The following ACP7 variants were observed in gnomAD, a reference collection of about 807,000 sequenced individuals.
ACP7 encodes acid phosphatase 7, tartrate resistant (putative), also known as acid phosphatase type 7.
In ACP7, 58 loss-of-function variants were observed where a neutral mutation model predicts 60.6. The ratio of observed to expected loss-of-function variants is 0.96; its 90% CI spans 0.77 to 1.19. The LOEUF is 1.19. ACP7 is among the 50% of genes most tolerant of loss of function. The pLI is 0.00. For synonymous variants in ACP7, 237 were observed against 232.6 expected, an observed-to-expected ratio of 1.02 and a Z score of -0.17; for missense variants, 574 against 596.2, an observed-to-expected ratio of 0.96 and a Z score of 0.39.
intron 2 of ACP7, among the ~76,000 whole-genome samples, chr19:39,094,510 A>T (rs2073244676): frequency 6.6e-6 from 1 of 151,748 alleles, no homozygotes; most frequent in African/African-American, 2.4e-5. Context: ...CTCAAAAAAA[A>T]AAAAAAAGAT....
intron 11 of ACP7, among the ~76,000 whole-genome samples, chr19:39,105,807 C>G (rs961807471): frequency 1.3e-5 from 2 of 152,162 alleles, no homozygotes; most frequent in African/African-American, 4.8e-5. Context: ...CCACTGTGCT[C>G]GGCTGCACGA....
rs1388651518 is a variant in ACP7 at position 39,085,234 on chromosome 19, T to C, written c.-36T>C. 2 of 1,598,990 alleles carry C rather than the reference T, an allele frequency of 1.3e-6. No homozygotes were observed. The highest frequency in any genetic ancestry group is 1.7e-6 in the Non-Finnish European group (2 of 1,172,186). On this transcript the variant is annotated 5_prime_UTR_variant, in exon 2 of 13. Transcript: ENST00000331256. ...GGGGAGCTGATCTCCTCAGTCCCCC[T>C]GCTTTTCCCCGGTCTGCCATCACCA...
intron 12 of ACP7, among the ~76,000 whole-genome samples, chr19:39,109,685 T>TAAAAAAA (rs34682645): frequency 1.1e-4 from 7 of 65,506 alleles, no homozygotes; most frequent in African/African-American, 5.1e-4. Context: ...AGACTCTGTC[T>TAAAAAAA]AAAAAAAAAA....
rs181056330 is a variant in ACP7 at position 39,110,158 on chromosome 19, G to A, written c.*40G>A. On this transcript the variant is annotated 3_prime_UTR_variant, in exon 13 of 13. Coordinates refer to ENST00000331256, the MANE Select transcript of ACP7 (RefSeq NM_001004318.3). ...CTCCTCCAGAAGCCTAGGTTTTGCC[G>A]CCTTGGCTGCTGTGACCAGAAACTG... 262 of 1,581,642 alleles carry A rather than the reference G, an allele frequency of 1.7e-4. 2 individuals are homozygous for A. The African/African-American group carries it at 2.3e-3, about 14-fold the overall frequency.
intron 2 of ACP7, among the ~76,000 whole-genome samples, chr19:39,093,172 C>CTTTCTT: frequency 1.2e-5 from 1 of 80,868 alleles, no homozygotes; most frequent in African/African-American, 5.1e-5. Context: ...CTTTCTTTCT[C>CTTTCTT]TCCTTCCTTC....
chr19:39,103,210 C>G (rs899132075), intron 11 of ACP7, among the ~76,000 whole-genome samples: 1 of 152,126 alleles, frequency 6.6e-6, no homozygotes, highest in Non-Finnish European at 1.5e-5. Context: ...GATCCTCTTG[C>G]AAGGCTGACT....
intron 11 of ACP7, among the ~76,000 whole-genome samples, chr19:39,103,556 G>C (rs8101954): frequency 2.0e-5 from 3 of 150,332 alleles, no homozygotes; most frequent in Non-Finnish European, 4.4e-5. Context: ...GCCACATGCA[G>C]TGGCTCACGC....
chr19:39,109,118 G>A (rs1423568147), intron 12 of ACP7, among the ~76,000 whole-genome samples: 3 of 152,084 alleles, frequency 2.0e-5, no homozygotes, highest in Non-Finnish European at 4.4e-5. Flanking sequence ...CACCGCATGC[G>A]GCCCCAGTAG....
At chr19:39,099,406 G>A (rs766720055) in intron 4 of ACP7, among the ~76,000 whole-genome samples, 1 of 152,192 alleles carries the variant, frequency 6.6e-6, no homozygotes, top group Non-Finnish European at 1.5e-5. Flanking sequence ...ATTTTGATTA[G>A]AGAGAAAGCT....
chr19:39,103,440 T>A (rs1184432570), intron 11 of ACP7, among the ~76,000 whole-genome samples: 1 of 99,370 alleles, frequency 1.0e-5, no homozygotes, highest in Non-Finnish European at 2.0e-5. Context: ...GATCATCATG[T>A]GTTTTTTTTT....
At chr19:39,090,215 C>T (rs149368778) in intron 2 of ACP7, among the ~76,000 whole-genome samples, 7 of 152,062 alleles carry the variant, frequency 4.6e-5, no homozygotes, top group African/African-American at 1.7e-4. Context: ...GTTGCCCAAG[C>T]TGGAGTGCAG....
chr19:39,093,278 T>C lies in ACP7; in HGVS notation c.122-5180T>C, dbSNP rs573818213. Among the ~76,000 whole-genome samples, 7 of 150,014 alleles carry C rather than the reference T, an allele frequency of 4.7e-5. No homozygotes were observed. The East Asian group carries it at 1.4e-3, about 29-fold the overall frequency. On this transcript the variant is annotated intron_variant, in intron 2 of 12. Transcript: ENST00000331256. Reference sequence around the variant, plus strand: ...TCTCTTTCTTTTTTTCGAGACGGGGTCTTGCTCTGTCACCCAGGCTGGAGT... The same window carrying C: ...TCTCTTTCTTTTTTTCGAGACGGGGCCTTGCTCTGTCACCCAGGCTGGAGT...
At position 39,100,802 on chromosome 19, in the gene ACP7, T is replaced by A; in HGVS notation, c.756T>A (p.Tyr252Ter). 1 of 1,613,998 alleles carries A rather than the reference T, an allele frequency of 6.2e-7. No homozygotes were observed. The highest frequency in any genetic ancestry group is 8.5e-7 in the Non-Finnish European group (1 of 1,179,990). The change falls in exon 7 of 13, where the codon TAT (tyrosine) becomes TAA (stop). Residue 252 changes from tyrosine to a stop codon, truncating the protein, a stop_gained. Transcript: ENST00000331256. LOFTEE classifies it high-confidence loss of function. ...CCGAGGTCTATTTCTTTCTCCATTA[T>A]GGCCGCCACTTGGTACAGAGGCAGT... ...FSTEVYFFLH[Y>*]GRHLVQRQFR...
intron 2 of ACP7, among the ~76,000 whole-genome samples, 183 bp from the exon 3 acceptor site, chr19:39,098,275 A>AAAAAAAG (rs2073292655): frequency 7.9e-6 from 1 of 126,634 alleles, no homozygotes; most frequent in Non-Finnish European, 1.7e-5. Context: ...AAAAAAAAAA[A>AAAAAAAG]AAAAGAAAAG....
Position 39,110,470 on chromosome 19 carries a change from C to T in ACP7, c.*352C>T, listed in dbSNP as rs532211160. 2.6e-4 allele frequency: 50 copies of T among 194,502 alleles called. No homozygotes were observed. The highest frequency in any genetic ancestry group is 1.1e-3 in the African/African-American group (48 of 42,946). 12.0% of individuals were successfully genotyped at this position (194,502 alleles called of 1,614,324 possible). On this transcript the variant is annotated 3_prime_UTR_variant, in exon 13 of 13. Coordinates refer to ENST00000331256, the MANE Select transcript of ACP7 (RefSeq NM_001004318.3). ...TGGCTCCATGGATTCTGCACATCTGCGGGGGATGCCGCTGGGCTTCCTCCT... is the reference window on the plus strand; with the variant it reads ...TGGCTCCATGGATTCTGCACATCTGTGGGGGATGCCGCTGGGCTTCCTCCT...
intron 2 of ACP7, among the ~76,000 whole-genome samples, chr19:39,086,641 AGG>A (rs34365418): frequency 4.7e-4 from 35 of 75,196 alleles, no homozygotes; most frequent in Admixed American, 1.4e-3. Context: ...AAAAAAAAAA[AGG>A]GGGGGGGGAG....
intron 11 of ACP7, among the ~76,000 whole-genome samples, chr19:39,104,147 A>C (rs1422930635): frequency 6.6e-6 from 1 of 151,900 alleles, no homozygotes; most frequent in Non-Finnish European, 1.5e-5. Context: ...ACTTGTAATA[A>C]AAATTCAAAC....
chr19:39,101,330 G>A lies in ACP7; in HGVS notation c.1016G>A (p.Arg339Gln), dbSNP rs140082989. The A allele has an allele frequency of 4.8e-5, 78 of 1,614,010 alleles. No homozygotes were observed. Among genetic ancestry groups the A allele is most frequent in the African/African-American group, 6.7e-5 (5 of 74,910 alleles). ...TGGGCTCATGAGCACTCGTATGAAC[G>A]ACTGTGGCCAATTTACAACTACCAG... ...QLWAHEHSYE[R>Q]LWPIYNYQVF... The change falls in exon 10 of 13, where the codon CGA becomes CAA. Residue 339 changes from arginine (R) to glutamine (Q), a missense_variant. Transcript: ENST00000331256.
Position 39,099,130 on chromosome 19 carries a change from G to A in ACP7, c.493G>A (p.Val165Ile). 1.9e-6 allele frequency: 3 copies of A among 1,547,064 alleles called. No homozygotes were observed. The highest frequency in any genetic ancestry group is 1.7e-6 in the Non-Finnish European group (2 of 1,151,072). The change falls in exon 4 of 13, where the codon GTT becomes ATT. Residue 165 changes from valine (V) to isoleucine (I), a missense_variant. Transcript: ENST00000331256. ...CACCCAGCAGGGCATGTATGACGCC[G>A]TTCTCCATGTGGGTGAGGCATCCGC... The part of the protein sequence containing the change: ...RDTQQGMYDA[V>I]LHVGDFAYNL...
Sources: allele counts gnomAD v4.1 joint callset (sites outside exome capture counted in the v4.1 genomes callset), GRCh38; gene constraint gnomAD v4.1.1; transcripts MANE v1.5; gene names NCBI Gene and HGNC (gene_info 2026-07-23, HGNC 2026-07-21).